Variants in MED13 observed in about 807,000 individuals in gnomAD.
The protein encoded by MED13 is mediator complex subunit 13.
MED13 carries 23 observed loss-of-function variants against 225.2 expected under a neutral mutation model. The observed-to-expected ratio is 0.10, with a 90% CI of 0.07 to 0.14. The LOEUF (loss-of-function observed/expected upper bound fraction) is 0.14, where lower values mean the gene tolerates loss of function less well. Among genes scored for constraint, MED13 ranks in the 10% least tolerant of loss-of-function variants. The pLI, the probability that MED13 is intolerant of heterozygous loss-of-function variation, is 1.00. For missense variants in MED13, 2,197 were observed against 2,594.5 expected, an observed-to-expected ratio of 0.85 and a Z score of 3.33; for synonymous variants, 942 against 889.2, an observed-to-expected ratio of 1.06 and a Z score of -1.06.
intron 8 of MED13, among the ~76,000 whole-genome samples, chr17:62,015,440 C>CA (rs530200010): frequency 9.1e-4 from 138 of 151,772 alleles, no homozygotes; most frequent in Non-Finnish European, 1.5e-3. Context: ...GGCTGTTTAT[C>CA]AAAAAAACAA....
chr17:62,047,145 C>T (rs962049938), intron 3 of MED13, among the ~76,000 whole-genome samples: 13 of 151,732 alleles, frequency 8.6e-5, no homozygotes, highest in Admixed American at 1.3e-4. Context: ...CCGACATGGG[C>T]GGATTACCTG....
intron 18 of MED13, among the ~76,000 whole-genome samples, 165 bp downstream of exon 18, chr17:61,967,870 A>G (rs1295679163): frequency 6.6e-6 from 1 of 152,210 alleles, no homozygotes; most frequent in Admixed American, 6.5e-5. Context: ...CATCTAACAG[A>G]CTGGGTCAAA....
chr17:62,025,257 G>C (rs1283449231), intron 8 of MED13, among the ~76,000 whole-genome samples: 3 of 152,182 alleles, frequency 2.0e-5, no homozygotes, highest in Non-Finnish European at 2.9e-5. Flanking sequence ...GTAAATAAAT[G>C]AATGTGGCTG....
chr17:62,031,293 C>A, intron 6 of MED13, 151 bp downstream of exon 6: 2 of 642,496 alleles, frequency 3.1e-6, no homozygotes, highest in Non-Finnish European at 5.0e-6. Context: ...TAAATAATAA[C>A]AGTTTGGAAA....
rs142826792 is a variant in MED13 at position 62,052,148 on chromosome 17, T to C, written c.470+389A>G. ...AGAAGGGTTAACTTGATCCAAAACATACTCACAGATCACTATCCTTAACAG... is the reference window on the plus strand; with the variant it reads ...AGAAGGGTTAACTTGATCCAAAACACACTCACAGATCACTATCCTTAACAG... On this transcript the variant is annotated intron_variant, in intron 3 of 29. Transcript: ENST00000397786. Among the ~76,000 whole-genome samples, 11 of 152,308 alleles carry C rather than the reference T, an allele frequency of 7.2e-5. No homozygotes were observed. In the East Asian group the frequency reaches 2.1e-3, roughly 29 times the overall value.
At chr17:62,047,017 G>A (rs905069255) in intron 3 of MED13, among the ~76,000 whole-genome samples, 2 of 145,206 alleles carry the variant, frequency 1.4e-5, no homozygotes, top group Non-Finnish European at 3.0e-5. Context: ...TTCAGAGTGT[G>A]TGCCACTGTG....
At chr17:62,061,452 A>T (rs1313829635) in intron 2 of MED13, among the ~76,000 whole-genome samples, 2 of 152,208 alleles carry the variant, frequency 1.3e-5, no homozygotes, top group Non-Finnish European at 2.9e-5. Context: ...TTAAAAAAAG[A>T]TCTGTTTAGT....
At chr17:61,973,525 A>G (rs1450187069) in intron 16 of MED13, among the ~76,000 whole-genome samples, 6 of 152,228 alleles carry the variant, frequency 3.9e-5, no homozygotes, top group African/African-American at 1.4e-4. Context: ...TCAAATGGCT[A>G]AAGGAAAAAT....
At chr17:61,990,115 T>C (rs2080282407) in intron 11 of MED13, among the ~76,000 whole-genome samples, 1 of 152,216 alleles carries the variant, frequency 6.6e-6, no homozygotes, top group South Asian at 2.1e-4. Flanking sequence ...TGACTTACTT[T>C]GCCCACATCA....
chr17:61,965,489 C>T (rs373784016), intron 19 of MED13, 21 bp from the exon 20 acceptor site: 17 of 1,582,406 alleles, frequency 1.1e-5, no homozygotes, highest in Middle Eastern at 1.7e-4. Flanking sequence ...AAAACAGGTA[C>T]GAAATTTAAT....
intron 22 of MED13, 34 bp from the exon 23 acceptor site, chr17:61,961,124 A>G (rs1239131658): frequency 3.4e-6 from 5 of 1,450,660 alleles, no homozygotes; most frequent in African/African-American, 1.4e-5. Context: ...TTATCATACT[A>G]TACAATCTTA....
At chr17:62,016,721 A>T (rs759652955) in intron 8 of MED13, among the ~76,000 whole-genome samples, 8 of 152,230 alleles carry the variant, frequency 5.3e-5, no homozygotes, top group Non-Finnish European at 7.3e-5. Context: ...TCAATAAAAT[A>T]TATTGGGCTG....
At position 61,944,637 on chromosome 17, in the gene MED13, A is replaced by AT. The variant is rs1363010558; in HGVS notation, c.*1830dup. On this transcript the variant is annotated 3_prime_UTR_variant, in exon 30 of 30. Coordinates refer to ENST00000397786, the MANE Select transcript of MED13 (RefSeq NM_005121.3). ...GTTATGTTGTTCATAAGAAAGTGAT[A>AT]TTTAATTCTAAGCACAGAGTATTCA... The AT allele has an allele frequency of 6.6e-6, 1 of 152,434 alleles. No individual in the cohort carries two copies. The highest frequency in any genetic ancestry group is 1.9e-4 in the East Asian group (1 of 5,192). 9.4% of individuals were successfully genotyped at this position (152,434 alleles called of 1,614,324 possible). A position where few individuals can be genotyped will look rare whatever the true frequency, so the allele number is the denominator to read the frequency against.
intron 16 of MED13, among the ~76,000 whole-genome samples, chr17:61,979,853 C>T (rs974674503): frequency 6.6e-6 from 1 of 152,122 alleles, no homozygotes; most frequent in Admixed American, 6.5e-5. Context: ...CAGTTTTCAC[C>T]TTAATGTATC....
chr17:62,049,512 A>G (rs2080935545), intron 3 of MED13, among the ~76,000 whole-genome samples: 1 of 152,192 alleles, frequency 6.6e-6, no homozygotes, highest in African/African-American at 2.4e-5. Context: ...CTGTGTTACA[A>G]CAAAACTTTA....
chr17:61,987,099 G>T lies in MED13; in HGVS notation c.2293C>A (p.Pro765Thr). 1 of 1,608,714 alleles carries T rather than the reference G, an allele frequency of 6.2e-7. No homozygotes were observed. The highest frequency in any genetic ancestry group is 1.1e-5 in the South Asian group (1 of 90,424). The part of the protein sequence containing the change: ...DAPRPTSHAR[P>T]PSTSLIYDSD... ...TCATAAATCAAACTTGTTGATGGAG[G>T]ACGGGCATGACTAGTAGGGCGTGGA... The change falls in exon 12 of 30, where the codon CCT becomes ACT. Residue 765 changes from proline to threonine, a missense_variant. By Grantham distance (38) the Pro-to-Thr change is conservative (BLOSUM62 -1). Coordinates refer to ENST00000397786, the MANE Select transcript of MED13 (RefSeq NM_005121.3).
At chr17:62,059,057 GAA>G (rs757099545) in intron 2 of MED13, among the ~76,000 whole-genome samples, 9 of 152,088 alleles carry the variant, frequency 5.9e-5, no homozygotes, top group African/African-American at 2.2e-4. Context: ...CAAAACCAAA[GAA>G]AGTCTGAGAA....
Position 62,038,959 on chromosome 17 carries a change from G to A in MED13, c.471-3351C>T, listed in dbSNP as rs528808740. On this transcript the variant is annotated intron_variant, in intron 3 of 29. Coordinates refer to ENST00000397786, the MANE Select transcript of MED13 (RefSeq NM_005121.3). ...CAAAGTGCTGAGATTACAAGCATAA[G>A]CTAACCTCATCTGGCCCCATTTTAT... Among the ~76,000 whole-genome samples the A allele has an allele frequency of 3.9e-5, 6 of 151,944 alleles. No individual in the cohort carries two copies. In the East Asian group the frequency reaches 7.8e-4, roughly 20 times the overall value.
chr17:62,008,947 C>G (rs1006806688), intron 9 of MED13, among the ~76,000 whole-genome samples: 2 of 151,766 alleles, frequency 1.3e-5, no homozygotes, highest in African/African-American at 4.8e-5. Context: ...AAACATAAAT[C>G]GATAATGAAA....
Sources: allele counts gnomAD v4.1 joint callset (sites outside exome capture counted in the v4.1 genomes callset), GRCh38; gene constraint gnomAD v4.1.1; transcripts MANE v1.5; gene names NCBI Gene and HGNC (gene_info 2026-07-23, HGNC 2026-07-21).